Variants in CUL4A observed in about 807,000 individuals in gnomAD.
CUL4A encodes cullin 4A, also known as cullin-4A.
In CUL4A, 16 loss-of-function variants were observed where a neutral mutation model predicts 95.5. That is an observed-to-expected ratio of 0.17 (90% CI 0.11 to 0.25). The LOEUF (loss-of-function observed/expected upper bound fraction) is 0.25, where lower values mean the gene tolerates loss of function less well. Ranked by LOEUF, CUL4A falls within the 10% of genes least tolerant of loss-of-function variation. The pLI, the probability that CUL4A is intolerant of heterozygous loss-of-function variation, is 1.00. For synonymous variants in CUL4A, 380 were observed against 353.1 expected (o/e 1.08, Z -0.85); for missense variants, 610 against 937.0 (o/e 0.65, Z 4.56).
chr13:113,249,120 A>G (rs533532271), intron 15 of CUL4A, among the ~76,000 whole-genome samples: 4 of 152,292 alleles, frequency 2.6e-5, no homozygotes, highest in African/African-American at 9.6e-5. Context: ...ATTTGTCTAC[A>G]TTAGATAGTT....
At chr13:113,219,478 G>A (rs2040819190) in intron 3 of CUL4A, 1 of 158,440 alleles carries the variant, frequency 6.3e-6, no homozygotes, top group Non-Finnish European at 1.4e-5. Context: ...CAGAGTCAAG[G>A]TGTCAGCCAG....
At chr13:113,228,939 T>C (rs1285440541) in intron 4 of CUL4A, among the ~76,000 whole-genome samples, 6 of 149,090 alleles carry the variant, frequency 4.0e-5, no homozygotes, top group African/African-American at 1.2e-4. Context: ...GCTAACACGG[T>C]GAAACCACGT....
At chr13:113,226,496 G>A (rs2041110100) in intron 3 of CUL4A, among the ~76,000 whole-genome samples, 1 of 152,204 alleles carries the variant, frequency 6.6e-6, no homozygotes, top group Non-Finnish European at 1.5e-5. Flanking sequence ...CCATAAAGCA[G>A]TTTATTGTCA....
At chr13:113,216,977 T>TA (rs1418969570) in intron 2 of CUL4A, among the ~76,000 whole-genome samples, 2 of 152,332 alleles carry the variant, frequency 1.3e-5, no homozygotes, top group Non-Finnish European at 2.9e-5. Context: ...GTATGACTCA[T>TA]ATGAATAGTA....
At chr13:113,246,409 G>C (rs1246831729) in intron 15 of CUL4A, among the ~76,000 whole-genome samples, 2 of 152,158 alleles carry the variant, frequency 1.3e-5, no homozygotes, top group Non-Finnish European at 2.9e-5. Context: ...GCATTATTTA[G>C]GGCCTTCTTT....
chr13:113,237,231 A>T (rs2041574219), intron 9 of CUL4A, among the ~76,000 whole-genome samples: 1 of 152,186 alleles, frequency 6.6e-6, no homozygotes, highest in Admixed American at 6.5e-5. Context: ...GCCGTTCTTC[A>T]TGCACACTCG....
At chr13:113,240,896 C>T (rs533015661) in intron 10 of CUL4A, among the ~76,000 whole-genome samples, 11 of 152,240 alleles carry the variant, frequency 7.2e-5, no homozygotes, top group African/African-American at 2.2e-4. Context: ...TTTCGCAAAC[C>T]GTTGCCATTG....
At chr13:113,260,203 C>CAAAAAAAAAAAAAAAAAAAAAAA (rs71101559) in intron 18 of CUL4A, among the ~76,000 whole-genome samples, 901 of 12,430 alleles carry the variant, frequency 0.072, 308 homozygotes, top group Middle Eastern at 0.12. Flanking sequence ...GACTCCGTCT[C>CAAAAAAAAAAAAAAAAAAAAAAA]AAAAAAAAAA....
chr13:113,226,585 C>T (rs910706018), intron 3 of CUL4A, among the ~76,000 whole-genome samples: 12 of 152,284 alleles, frequency 7.9e-5, no homozygotes, highest in African/African-American at 2.9e-4. Context: ...GGTTCTTTGT[C>T]CTAAACTACT....
At chr13:113,232,977 C>T (rs1489111075) in intron 5 of CUL4A, among the ~76,000 whole-genome samples, 200 bp from the exon 6 acceptor site, 1 of 152,120 alleles carries the variant, frequency 6.6e-6, no homozygotes, top group African/African-American at 2.4e-5. Flanking sequence ...CGTGGAGCAG[C>T]TCTGTTTAAG....
chr13:113,229,990 TGGGGC>T, intron 5 of CUL4A: 1 of 299,442 alleles, frequency 3.3e-6, no homozygotes, highest in Non-Finnish European at 6.1e-6. Context: ...CCAGGGGTTC[TGGGGC>T]CTTTCCTCAG....
chr13:113,215,598 G>C (rs1356870316), intron 2 of CUL4A, among the ~76,000 whole-genome samples: 1 of 151,090 alleles, frequency 6.6e-6, no homozygotes, highest in East Asian at 2.0e-4. Flanking sequence ...TGACTGTGGA[G>C]GTCACGTCCC....
At chr13:113,228,122 A>G in intron 4 of CUL4A, 77 bp downstream of exon 4, 4 of 1,105,976 alleles carry the variant, frequency 3.6e-6, no homozygotes, top group Non-Finnish European at 5.5e-6. Flanking sequence ...GCTGAGACAT[A>G]GAAGTTCTGT....
At chr13:113,213,577 T>G (rs1482810357) in intron 2 of CUL4A, among the ~76,000 whole-genome samples, 2 of 152,218 alleles carry the variant, frequency 1.3e-5, no homozygotes, top group Admixed American at 6.5e-5. Flanking sequence ...TCCTGGAGAT[T>G]TGGCTGTCTG....
At chr13:113,258,117 C>T (rs1379421161) in intron 18 of CUL4A, among the ~76,000 whole-genome samples, 3 of 152,000 alleles carry the variant, frequency 2.0e-5, no homozygotes, top group Non-Finnish European at 2.9e-5. Context: ...AAGCGATCCT[C>T]CCACCTCAGC....
chr13:113,222,719 A>T (rs2040945504), intron 3 of CUL4A, among the ~76,000 whole-genome samples: 1 of 152,154 alleles, frequency 6.6e-6, no homozygotes, highest in South Asian at 2.1e-4. Flanking sequence ...GGGCCAGTTG[A>T]GCCCAAGAGT....
chr13:113,210,432 C>G (rs1364726091), intron 2 of CUL4A, among the ~76,000 whole-genome samples: 1 of 152,178 alleles, frequency 6.6e-6, no homozygotes, highest in African/African-American at 2.4e-5. Context: ...TCACTTGCCA[C>G]AGTAATAAGA....
At chr13:113,219,946 T>C (rs2040836750) in intron 3 of CUL4A, 1 of 152,076 alleles carries the variant, frequency 6.6e-6, no homozygotes, top group African/African-American at 2.4e-5. Context: ...CCCAGTACTG[T>C]AGCTGTCCAT....
intron 3 of CUL4A, among the ~76,000 whole-genome samples, chr13:113,223,524 A>G (rs2040982521): frequency 6.6e-6 from 1 of 152,132 alleles, no homozygotes; most frequent in Admixed American, 6.6e-5. Flanking sequence ...CAGCCTCCCG[A>G]GTAGCTGGGA....
Sources: gnomAD v4.1 joint callset for allele counts (sites outside exome capture counted in the v4.1 genomes callset) on GRCh38, gnomAD v4.1.1 for gene constraint, MANE v1.5 for transcripts, NCBI Gene and HGNC (gene_info 2026-07-23, HGNC 2026-07-21) for gene names.